Variants in P2RX4 observed in about 807,000 individuals in gnomAD.
P2RX4 encodes purinergic receptor P2X 4, also known as P2X purinoceptor 4.
P2RX4 carries 37 observed loss-of-function variants against 48.0 expected under a neutral mutation model. The ratio of observed to expected loss-of-function variants is 0.77; its 90% CI spans 0.59 to 1.01. P2RX4 has a LOEUF of 1.01. Ranked by LOEUF, P2RX4 falls within the 50% of genes least tolerant of loss-of-function variation. The pLI is 0.00. For missense variants in P2RX4, 501 were observed against 521.4 expected (o/e 0.96, Z 0.38); for synonymous variants, 200 against 199.7 (o/e 1.00, Z -0.01).
chr12:121,210,183 G>T lies in P2RX4; in HGVS notation c.19G>T (p.Ala7Ser), dbSNP rs754311085. 2.0e-6 allele frequency: 3 copies of T among 1,528,146 alleles called. No homozygotes were observed. The highest frequency in any genetic ancestry group is 2.6e-6 in the Non-Finnish European group (3 of 1,145,152). The allele number at this position is 1,528,146 out of a possible 1,614,324, so 94.7% of individuals were successfully genotyped here. Residue 7 changes from alanine (A) to serine (S), a missense_variant, in exon 1 of 12, where the codon GCG (alanine) becomes TCG (serine). Ala to Ser is a moderately conservative substitution (Grantham distance 99, BLOSUM62 1). This residue lies in a region of P2RX4 where 295 missense variants were observed against 275.3 expected (regional missense o/e 1.07). Coordinates refer to ENST00000337233, the MANE Select transcript of P2RX4 (RefSeq NM_002560.3). MAGCCA[A>S]LAAFLFEYDT... ...CGCGGCCATGGCGGGCTGCTGCGCC[G>T]CGCTGGCGGCCTTCCTGTTCGAGTA...
chr12:121,228,663 T>A, intron 6 of P2RX4, 50 bp downstream of exon 6: 1 of 1,612,848 alleles, frequency 6.2e-7, no homozygotes, highest in Non-Finnish European at 8.5e-7. Flanking sequence ...GAGAAACTTC[T>A]GGCTCTTCTC....
chr12:121,218,923 G>A (rs1330044043), intron 2 of P2RX4, among the ~76,000 whole-genome samples: 7 of 152,148 alleles, frequency 4.6e-5, no homozygotes, highest in Non-Finnish European at 4.4e-5. Context: ...ACTTTTGGAG[G>A]CCGAGGCAGA....
intron 1 of P2RX4, chr12:121,212,824 A>ATATAT (rs370835501): frequency 8.1e-4 from 26 of 32,256 alleles, no homozygotes; most frequent in Non-Finnish European, 1.2e-3. Flanking sequence ...ATATATATAT[A>ATATAT]TTTTTTTTTT....
At chr12:121,225,689 G>T (rs150769211) in intron 5 of P2RX4, among the ~76,000 whole-genome samples, 16 of 152,002 alleles carry the variant, frequency 1.1e-4, no homozygotes, top group Admixed American at 9.2e-4. Flanking sequence ...GGGATTGCAC[G>T]CGTGAGTCAC....
chr12:121,226,336 G>A (rs1232459680), intron 5 of P2RX4, among the ~76,000 whole-genome samples: 2 of 151,870 alleles, frequency 1.3e-5, no homozygotes, highest in African/African-American at 4.8e-5. Context: ...TTGAGGCCAG[G>A]AGTTCAAAAC....
intron 2 of P2RX4, among the ~76,000 whole-genome samples, chr12:121,217,672 T>TC (rs1886317003): frequency 1.3e-5 from 2 of 150,140 alleles, no homozygotes; most frequent in African/African-American, 4.9e-5. Context: ...ACGTGTGTAA[T>TC]CCCAGCACTT....
Position 121,233,680 on chromosome 12 carries a change from G to C in P2RX4, c.*131G>C, listed in dbSNP as rs544437980. On this transcript the variant is annotated 3_prime_UTR_variant, in exon 12 of 12. Coordinates refer to ENST00000337233, the MANE Select transcript of P2RX4 (RefSeq NM_002560.3). The stretch of plus-strand genomic sequence containing the variant: ...TGAGTCTCCACTCCACAAGCACTCA[G>C]GGTTCCCCAGCAGCTCCTGTGTGTT... The C allele has an allele frequency of 6.5e-7, 1 of 1,536,552 alleles. No homozygotes were observed. The highest frequency in any genetic ancestry group is 2.5e-5 in the East Asian group (1 of 40,704).
intron 1 of P2RX4, chr12:121,216,897 GCTGAGTGCTTTACCTGCACCAT>G: frequency 2.8e-6 from 2 of 702,412 alleles, no homozygotes; most frequent in Non-Finnish European, 5.2e-6. Flanking sequence ...CCATCAGTGT[GCTGAGTGCTTTACCTGCACCAT>G]CTCATTTATT....
At chr12:121,219,105 G>T (rs1004207628) in intron 2 of P2RX4, among the ~76,000 whole-genome samples, 1 of 152,306 alleles carries the variant, frequency 6.6e-6, no homozygotes, top group South Asian at 2.1e-4. Flanking sequence ...CAGGAGAGTC[G>T]TAGGAGCGGC....
At position 121,221,997 on chromosome 12, in the gene P2RX4, C is replaced by CG. The variant is rs753753228; in HGVS notation, c.354+16dup. On this transcript the variant is annotated intron_variant, in intron 3 of 11. Coordinates refer to ENST00000337233, the MANE Select transcript of P2RX4 (RefSeq NM_002560.3). The stretch of plus-strand genomic sequence containing the variant: ...CCTGTGCCCCGAGGTAGGAGGCCCC[C>CG]GGGAAGAGCCCCAGGCCCCACACCC... The CG allele has an allele frequency of 3.9e-5, 63 of 1,612,456 alleles. No individual in the cohort carries two copies. In the Middle Eastern group the frequency reaches 1.2e-3, roughly 29 times the overall value.
chr12:121,219,828 T>TTAGATAGATAGATAGATAGA (rs3838806), intron 2 of P2RX4, among the ~76,000 whole-genome samples: 10 of 150,340 alleles, frequency 6.7e-5, no homozygotes, highest in East Asian at 4.0e-4. Flanking sequence ...ATAGGATAGA[T>TTAGATAGATAGATAGATAGA]TAGATAGATA....
At chr12:121,219,776 A>G (rs927350252) in intron 2 of P2RX4, among the ~76,000 whole-genome samples, 11 of 152,228 alleles carry the variant, frequency 7.2e-5, no homozygotes, top group African/African-American at 2.6e-4. Context: ...GATAGATTAG[A>G]TAGGTGATAG....
intron 8 of P2RX4, among the ~76,000 whole-genome samples, chr12:121,231,137 G>A (rs182794479): frequency 4.8e-4 from 73 of 151,772 alleles, no homozygotes; most frequent in Admixed American, 1.4e-3. Context: ...ACAGGCGCCC[G>A]CCACCACACC....
rs754111830 is a variant in P2RX4, at chr12:121,232,368, G to A, written c.885-46G>A. The stretch of plus-strand genomic sequence containing the variant: ...CTAACGTTCTCTCACAGGGCCCAAG[G>A]TCCTGCCCCAGCCATCTCCCCCTGA... On this transcript the variant is annotated intron_variant, in intron 8 of 11. Coordinates refer to ENST00000337233, the MANE Select transcript of P2RX4 (RefSeq NM_002560.3). The surrounding 1 kb of genome is among the most constrained non-coding windows in gnomAD (Gnocchi z 4.3). 1 of 1,336,238 alleles carries A rather than the reference G, an allele frequency of 7.5e-7. No homozygotes were observed. The highest frequency in any genetic ancestry group is 1.1e-6 in the Non-Finnish European group (1 of 929,150). The allele number at this position is 1,336,238 out of a possible 1,614,324, so 82.8% of individuals were successfully genotyped here.
At position 121,215,394 on chromosome 12, in the gene P2RX4, C is replaced by T. The variant is rs546314540; in HGVS notation, c.135-1740C>T. 2.0e-5 allele frequency: 3 copies of T among 151,908 alleles called. No homozygotes were observed. The South Asian group carries it at 6.3e-4, about 32-fold the overall frequency. The allele number at this position is 151,908 out of a possible 1,614,324, so 9.4% of individuals were successfully genotyped here. A position where few individuals can be genotyped will look rare whatever the true frequency, so the allele number is the denominator to read the frequency against. ...GTGGAGCTGAGCCATGAACCAAGACCTCTGCCTCCAGTCTGTCCTAACCCC... is the reference window on the plus strand; with the variant it reads ...GTGGAGCTGAGCCATGAACCAAGACTTCTGCCTCCAGTCTGTCCTAACCCC... On this transcript the variant is annotated intron_variant, in intron 1 of 11. Transcript: ENST00000337233.
chr12:121,224,946 G>T (rs1390094856), intron 5 of P2RX4, among the ~76,000 whole-genome samples: 1 of 152,178 alleles, frequency 6.6e-6, no homozygotes, highest in Non-Finnish European at 1.5e-5. Context: ...AGCTGGAGAG[G>T]ATCTCACAGA....
intron 1 of P2RX4, chr12:121,212,827 T>A (rs867844701): frequency 1.9e-3 from 223 of 119,186 alleles, no homozygotes; most frequent in Non-Finnish European, 3.3e-3. Flanking sequence ...TATATATATT[T>A]TTTTTTTTTT....
chr12:121,216,820 C>CA (rs59513233), intron 1 of P2RX4: 63,559 of 492,846 alleles, frequency 0.13, 46 homozygotes, highest in Middle Eastern at 0.14. Context: ...AACATCGTCT[C>CA]AAAAAAAAAA....
At position 121,229,105 on chromosome 12, in the gene P2RX4, C is replaced by A; in HGVS notation, c.884+6C>A. Reference sequence around the variant, plus strand: ...TCTCCTGGCTACAATTTCAGGTGGGCGTGAGCTTGGGCCCCTCGCTCATGT... The same window carrying A: ...TCTCCTGGCTACAATTTCAGGTGGGAGTGAGCTTGGGCCCCTCGCTCATGT... On this transcript the variant is annotated splice_donor_region_variant and intron_variant, in intron 8 of 11. Transcript: ENST00000337233. This position sits in a 1 kb window ranked among gnomAD's most constrained non-coding sequence, Gnocchi z 4.6. The A allele has an allele frequency of 6.2e-7, 1 of 1,614,008 alleles. No individual in the cohort carries two copies. Among genetic ancestry groups the A allele is most frequent in the Non-Finnish European group, 8.5e-7 (1 of 1,179,996 alleles).
Sources: gnomAD v4.1 joint callset for allele counts (sites outside exome capture counted in the v4.1 genomes callset) on GRCh38, gnomAD v4.1.1 for gene constraint, gnomAD v4.1.1 regional missense constraint, Gnocchi (gnomAD v3.1) non-coding constraint, MANE v1.5 for transcripts, NCBI Gene and HGNC (gene_info 2026-07-23, HGNC 2026-07-21) for gene names.